Variants in NRG1 observed in about 807,000 individuals in gnomAD.
The protein encoded by NRG1 is pro-neuregulin-1, membrane-bound isoform.
Under a neutral mutation model 63.8 loss-of-function variants are expected in NRG1, and 18 were observed. That is an observed-to-expected ratio of 0.28 (90% CI 0.19 to 0.42). The LOEUF (loss-of-function observed/expected upper bound fraction) is 0.42, where lower values mean the gene tolerates loss of function less well. NRG1 is among the 10% of genes least tolerant of loss of function. The probability of loss-of-function intolerance (pLI) is 1.00; values close to 1 mark genes in which losing one functional copy is unlikely to be tolerated. For synonymous variants in NRG1, 302 were observed against 301.3 expected (o/e 1.00, Z -0.02); for missense variants, 762 against 814.7 (o/e 0.94, Z 0.79).
chr8:32,590,711 A>G (rs564153602), intron 1 of NRG1, among the ~76,000 whole-genome samples: 1 of 152,268 alleles, frequency 6.6e-6, no homozygotes, highest in Non-Finnish European at 1.5e-5. Context: ...ATGCCTGAGA[A>G]ACACGTGTAC....
intron 5 of NRG1, chr8:32,648,496 T>A: frequency 7.0e-7 from 1 of 1,432,708 alleles, no homozygotes; most frequent in Non-Finnish European, 9.3e-7. Context: ...TGGTTTTGTT[T>A]AAGCAAAGCC....
chr8:32,197,021 G>A (rs187610439), intron 1 of NRG1, among the ~76,000 whole-genome samples: 2,047 of 134,842 alleles, frequency 0.015, 26 homozygotes, highest in South Asian at 0.056. Flanking sequence ...GTGCAGTGGC[G>A]CGATCTTGGC....
chr8:32,596,035 T>C, intron 2 of NRG1, 30 bp downstream of exon 2: 1 of 1,538,496 alleles, frequency 6.5e-7, no homozygotes, highest in Non-Finnish European at 8.9e-7. Context: ...TAGTAGAGAC[T>C]GCCCCCAGCA....
intron 1 of NRG1, among the ~76,000 whole-genome samples, chr8:31,807,569 TTTAC>T (rs1822409300): frequency 6.6e-6 from 1 of 152,184 alleles, no homozygotes; most frequent in African/African-American, 2.4e-5. Flanking sequence ...AAAATAATTG[TTTAC>T]TTTATTTCAT....
At chr8:31,672,952 T>C (rs1256328037) in intron 1 of NRG1, among the ~76,000 whole-genome samples, 4 of 35,282 alleles carry the variant, frequency 1.1e-4, no homozygotes, top group Non-Finnish European at 2.4e-4. Context: ...AGAATCATAG[T>C]TTTTTTTTTT....
intron 1 of NRG1, among the ~76,000 whole-genome samples, chr8:31,950,480 A>G (rs1365755910): frequency 5.9e-5 from 9 of 152,242 alleles, no homozygotes; most frequent in African/African-American, 2.2e-4. Flanking sequence ...CTCTCCAGAC[A>G]CTAGTCAAAC....
At chr8:32,559,286 A>G (rs1835893443) in intron 1 of NRG1, among the ~76,000 whole-genome samples, 1 of 147,900 alleles carries the variant, frequency 6.8e-6, no homozygotes, top group South Asian at 2.2e-4. Context: ...CCTTATAAGA[A>G]TCTGGTTTTT....
intron 1 of NRG1, among the ~76,000 whole-genome samples, chr8:32,036,141 C>T (rs1436587466): frequency 2.0e-5 from 3 of 152,164 alleles, no homozygotes; most frequent in Admixed American, 2.0e-4. Context: ...GACAAACTCC[C>T]TCAGCATTTG....
chr8:32,345,778 T>C (rs1003267407), intron 1 of NRG1, among the ~76,000 whole-genome samples: 1 of 152,020 alleles, frequency 6.6e-6, no homozygotes, highest in African/African-American at 2.4e-5. Context: ...GAGACCAGCC[T>C]GACTAACATA....
chr8:32,155,848 A>G (rs1012344856), intron 1 of NRG1, among the ~76,000 whole-genome samples: 2 of 152,174 alleles, frequency 1.3e-5, no homozygotes, highest in Non-Finnish European at 2.9e-5. Context: ...TTTCTTTTGA[A>G]TAATTCACCA....
At chr8:32,759,272 T>C (rs1428489300) in intron 9 of NRG1, 34 bp from the exon 10 acceptor site, 2 of 1,606,170 alleles carry the variant, frequency 1.2e-6, no homozygotes, top group Non-Finnish European at 1.7e-6. Context: ...TGAATCTACG[T>C]GAATCTTCAA....
chr8:31,885,037 T>A (rs181047297), intron 1 of NRG1, among the ~76,000 whole-genome samples: 2 of 152,206 alleles, frequency 1.3e-5, no homozygotes, highest in Admixed American at 6.5e-5. Context: ...TTCAAGTAAA[T>A]AAGCAACGAA....
At chr8:31,990,974 G>C (rs1430774024) in intron 1 of NRG1, among the ~76,000 whole-genome samples, 1 of 152,046 alleles carries the variant, frequency 6.6e-6, no homozygotes, top group Non-Finnish European at 1.5e-5. Context: ...GAAAATTCTG[G>C]TTAAGGAAGA....
At chr8:31,983,410 CT>C (rs1475557650) in intron 1 of NRG1, among the ~76,000 whole-genome samples, 1 of 152,048 alleles carries the variant, frequency 6.6e-6, no homozygotes, top group Non-Finnish European at 1.5e-5. Context: ...CAGGATCTCA[CT>C]CTGTTGCCCA....
At chr8:32,592,506 A>G (rs1842705496) in intron 1 of NRG1, among the ~76,000 whole-genome samples, 1 of 152,152 alleles carries the variant, frequency 6.6e-6, no homozygotes, top group African/African-American at 2.4e-5. Flanking sequence ...TTTATAGAAT[A>G]TCTCTCATTT....
At chr8:32,047,333 C>G (rs1445215376) in intron 1 of NRG1, among the ~76,000 whole-genome samples, 1 of 151,954 alleles carries the variant, frequency 6.6e-6, no homozygotes, top group Non-Finnish European at 1.5e-5. Flanking sequence ...TACTGACAAC[C>G]TGAACGTTTT....
chr8:31,647,178 T>C (rs1449143414), intron 1 of NRG1, among the ~76,000 whole-genome samples: 2 of 152,264 alleles, frequency 1.3e-5, no homozygotes, highest in Non-Finnish European at 2.9e-5. Flanking sequence ...TGTTTAACCA[T>C]CTCAGTACTG....
chr8:32,727,440 T>C (rs1822495853), intron 5 of NRG1, among the ~76,000 whole-genome samples: 1 of 152,208 alleles, frequency 6.6e-6, no homozygotes, highest in Non-Finnish European at 1.5e-5. Context: ...ATGTTTTCAT[T>C]TGGAACAAAT....
chr8:32,593,854 C>CAAAA (rs11444147), intron 1 of NRG1, among the ~76,000 whole-genome samples: 5 of 97,062 alleles, frequency 5.2e-5, no homozygotes, highest in African/African-American at 1.6e-4. Context: ...TTCAAGGTGT[C>CAAAA]AAAAAAAAAA....
Sources: allele counts gnomAD v4.1 joint callset (sites outside exome capture counted in the v4.1 genomes callset), GRCh38; gene constraint gnomAD v4.1.1; transcripts MANE v1.5; gene names NCBI Gene and HGNC (gene_info 2026-07-23, HGNC 2026-07-21).